The following DMXL1 variants were observed in gnomAD, a reference collection of about 807,000 sequenced individuals.
DMXL1 encodes the protein dmX-like protein 1.
DMXL1 carries 99 observed loss-of-function variants against 319.2 expected under a neutral mutation model. The ratio of observed to expected loss-of-function variants is 0.31; its 90% CI spans 0.26 to 0.37. The LOEUF (loss-of-function observed/expected upper bound fraction) is 0.37, where lower values mean the gene tolerates loss of function less well. Ranked by LOEUF, DMXL1 falls within the 10% of genes least tolerant of loss-of-function variation. The pLI is 1.00. For synonymous variants in DMXL1, 1,385 were observed against 1,235.2 expected (o/e 1.12, Z -2.54); for missense variants, 3,745 against 3,595.6 (o/e 1.04, Z -1.06).
At position 119,119,120 on chromosome 5, in the gene DMXL1, A is replaced by T. The variant is rs1580806923; in HGVS notation, c.933+116A>T. The T allele has an allele frequency of 1.2e-5, 8 of 674,926 alleles. No individual in the cohort carries two copies. The East Asian group carries it at 2.5e-4, about 21-fold the overall frequency. The allele number at this position is 674,926 out of a possible 1,614,324, so 41.8% of individuals were successfully genotyped here. On this transcript the variant is annotated intron_variant, in intron 8 of 43. Coordinates refer to ENST00000539542, the MANE Select transcript of DMXL1 (RefSeq NM_001290321.3). ...TATCCTAGGAAAATAATTCTTAGAA[A>T]ATTTTCAGTTCTATTTGGTTCAAAA...
At chr5:119,122,117 G>A (rs1218813994) in intron 9 of DMXL1, among the ~76,000 whole-genome samples, 1 of 143,120 alleles carries the variant, frequency 7.0e-6, no homozygotes, top group Non-Finnish European at 1.5e-5. Context: ...CCCGGACGGG[G>A]CGGCTGGCCG....
intron 38 of DMXL1, among the ~76,000 whole-genome samples, 156 bp downstream of exon 38, chr5:119,224,925 A>T (rs1486585935): frequency 6.6e-6 from 1 of 151,938 alleles, no homozygotes; most frequent in Admixed American, 6.6e-5. Context: ...TAAAATCTTG[A>T]TTTCAAAACT....
intron 28 of DMXL1, among the ~76,000 whole-genome samples, chr5:119,182,503 T>G (rs1432952501): frequency 6.6e-6 from 1 of 152,208 alleles, no homozygotes; most frequent in Non-Finnish European, 1.5e-5. Flanking sequence ...TTCCTTGTTC[T>G]GTTATAAATT....
chr5:119,164,695 T>A lies in DMXL1; in HGVS notation c.4872+19T>A. ...AGAAAAAGTAAGTGTTTTATTTTGG[T>A]GTATAAGTGAATTAATATTTTTTGG... On this transcript the variant is annotated intron_variant, in intron 20 of 43. Coordinates refer to ENST00000539542, the MANE Select transcript of DMXL1 (RefSeq NM_001290321.3). 2.6e-6 allele frequency: 4 copies of A among 1,563,780 alleles called. No individual in the cohort carries two copies. The highest frequency in any genetic ancestry group is 2.7e-5 in the African/African-American group (2 of 73,976).
intron 38 of DMXL1, among the ~76,000 whole-genome samples, chr5:119,225,610 G>T (rs1225199557): frequency 6.6e-6 from 1 of 152,048 alleles, no homozygotes; most frequent in Non-Finnish European, 1.5e-5. Context: ...ATAAAATGCA[G>T]TTAACAAAAT....
chr5:119,171,052 T>C lies in DMXL1; in HGVS notation c.6261T>C (p.Phe2087=). 3 of 1,613,950 alleles carry C rather than the reference T, an allele frequency of 1.9e-6. No individual in the cohort carries two copies. Among genetic ancestry groups the C allele is most frequent in the Non-Finnish European group, 2.5e-6 (3 of 1,179,892 alleles). ...CSDAEELQSA[F]GRNEDEFGLN... is the part of the protein sequence containing the mutation. ...ATGCTGAAGAACTACAGTCTGCATT[T>C]GGCAGAAATGAAGATGAATTTGGAT... The change falls in exon 24 of 44, where the codon TTT becomes TTC. Residue 2087 remains phenylalanine (F), a synonymous_variant. Transcript: ENST00000539542.
In DMXL1 at chr5:119,171,794, T is replaced by G. The variant is rs1774622468; in HGVS notation, c.6506T>G (p.Leu2169Arg). 6.8e-6 allele frequency: 11 copies of G among 1,611,342 alleles called. No homozygotes were observed. Among genetic ancestry groups the G allele is most frequent in the Non-Finnish European group, 8.5e-6 (10 of 1,178,898 alleles). The change falls in exon 25 of 44, where the codon CTA becomes CGA. Residue 2169 changes from leucine (L) to arginine (R), a missense_variant. By Grantham distance (102) the Leu-to-Arg change is moderately radical. Coordinates refer to ENST00000539542, the MANE Select transcript of DMXL1 (RefSeq NM_001290321.3). The part of the protein sequence containing the change: ...QESQQETSEP[L>R]FSSPLSEQTS... ...GTTTTTAAGGAAACATCAGAACCAC[T>G]ATTTTCTAGCCCTCTGTCAGAGCAA...
intron 2 of DMXL1, among the ~76,000 whole-genome samples, chr5:119,100,389 T>C (rs1021678199): frequency 1.3e-5 from 2 of 150,962 alleles, no homozygotes; most frequent in Admixed American, 6.6e-5. Context: ...TGAGCTGAGA[T>C]CGTGCCACTG....
intron 28 of DMXL1, 54 bp downstream of exon 28, chr5:119,178,298 A>G: frequency 6.5e-7 from 1 of 1,541,112 alleles, no homozygotes. Context: ...GAGTGATATC[A>G]TTCTCAAACG....
chr5:119,206,523 T>C lies in DMXL1; in HGVS notation c.7864-311T>C, dbSNP rs1781769811. On this transcript the variant is annotated intron_variant, in intron 33 of 43. Transcript: ENST00000539542. ...ACACCAGTAGCTCTGATTATTTTAA[T>C]ATAAAGTATTTTGGTTTCAATCGTG... The C allele has an allele frequency of 3.3e-5, 6 of 181,122 alleles. No homozygotes were observed. The South Asian group carries it at 9.0e-4, about 27-fold the overall frequency. The allele number at this position is 181,122 out of a possible 1,614,324, so 11.2% of individuals were successfully genotyped here.
chr5:119,099,333 C>T (rs896761451), intron 2 of DMXL1, among the ~76,000 whole-genome samples: 1 of 152,078 alleles, frequency 6.6e-6, no homozygotes, highest in African/African-American at 2.4e-5. Context: ...GCCTCAGCCT[C>T]CCAAATAGCT....
intron 30 of DMXL1, among the ~76,000 whole-genome samples, chr5:119,195,771 C>T (rs1191708385): frequency 6.6e-6 from 1 of 152,034 alleles, no homozygotes; most frequent in African/African-American, 2.4e-5. Flanking sequence ...AAAATTCAAT[C>T]CTTTAAGAAA....
At chr5:119,217,910 T>A (rs1561898839) in intron 35 of DMXL1, among the ~76,000 whole-genome samples, 1 of 152,070 alleles carries the variant, frequency 6.6e-6, no homozygotes, top group Non-Finnish European at 1.5e-5. Flanking sequence ...TCACTTAATT[T>A]CCTTCTTAGA....
At chr5:119,218,713 C>A (rs910732911) in intron 35 of DMXL1, among the ~76,000 whole-genome samples, 2 of 152,176 alleles carry the variant, frequency 1.3e-5, no homozygotes, top group Non-Finnish European at 2.9e-5. Context: ...CCTGCCTCGG[C>A]CTCCCAAAGT....
At chr5:119,076,776 T>A (rs1487961597) in intron 1 of DMXL1, among the ~76,000 whole-genome samples, 1 of 152,190 alleles carries the variant, frequency 6.6e-6, no homozygotes, top group African/African-American at 2.4e-5. Context: ...CAGCCTTGAA[T>A]TTTATTGAAA....
intron 38 of DMXL1, among the ~76,000 whole-genome samples, chr5:119,231,993 C>T (rs1269878252): frequency 2.0e-5 from 3 of 152,024 alleles, no homozygotes; most frequent in African/African-American, 7.2e-5. Context: ...TTTTAAGAGA[C>T]AGGGTCTCAT....
intron 4 of DMXL1, among the ~76,000 whole-genome samples, chr5:119,109,265 A>G (rs1276864361): frequency 6.6e-6 from 1 of 152,192 alleles, no homozygotes; most frequent in Non-Finnish European, 1.5e-5. Flanking sequence ...GATGTAAGTT[A>G]CATATTATCT....
intron 1 of DMXL1, among the ~76,000 whole-genome samples, chr5:119,086,312 C>T (rs889321330): frequency 6.6e-6 from 1 of 152,128 alleles, no homozygotes; most frequent in Admixed American, 6.5e-5. Context: ...TATGGGAGTA[C>T]CATTCAAGAT....
intron 25 of DMXL1, among the ~76,000 whole-genome samples, chr5:119,174,996 CCCCTTTG>C (rs1775516893): frequency 6.6e-6 from 1 of 152,234 alleles, no homozygotes; most frequent in Admixed American, 6.5e-5. Context: ...GACATCTGTT[CCCCTTTG>C]CTCTAGAAAA....
Sources: allele counts gnomAD v4.1 joint callset (sites outside exome capture counted in the v4.1 genomes callset), GRCh38; gene constraint gnomAD v4.1.1; transcripts MANE v1.5; gene names NCBI Gene and HGNC (gene_info 2026-07-23, HGNC 2026-07-21).